ARMC9: variants seen among roughly 807,000 people sequenced by gnomAD.
ARMC9 encodes lisH domain-containing protein ARMC9.
ARMC9 carries 94 observed loss-of-function variants against 107.0 expected under a neutral mutation model. That is an observed-to-expected ratio of 0.88 (90% CI 0.74 to 1.04). ARMC9 has a LOEUF of 1.04. ARMC9 is among the 50% of genes least tolerant of loss of function. ARMC9 has a pLI of 0.00. For missense variants in ARMC9, 942 were observed against 1,030.1 expected, an observed-to-expected ratio of 0.91 and a Z score of 1.17; for synonymous variants, 380 against 396.9, an observed-to-expected ratio of 0.96 and a Z score of 0.51.
rs148744115 is a variant in ARMC9 at position 231,369,873 on chromosome 2, C to T, written c.2262-80C>T. ...CCTCTCAGAGTGCTGGGATTATAGGCGGGAGCCACCACACCCGGCCCCTCC... is the reference window on the plus strand; with the variant it reads ...CCTCTCAGAGTGCTGGGATTATAGGTGGGAGCCACCACACCCGGCCCCTCC... On this transcript the variant is annotated intron_variant, in intron 23 of 24. Coordinates refer to ENST00000611582, the MANE Select transcript of ARMC9 (RefSeq NM_001352754.2). The T allele has an allele frequency of 2.0e-3, 2,644 of 1,325,578 alleles. 57 individuals are homozygous for T. The African/African-American group carries it at 0.035, about 17-fold the overall frequency. The allele number at this position is 1,325,578 out of a possible 1,614,324, so 82.1% of individuals were successfully genotyped here.
At chr2:231,232,970 C>CA (rs1443940069) in intron 7 of ARMC9, among the ~76,000 whole-genome samples, 2 of 152,116 alleles carry the variant, frequency 1.3e-5, no homozygotes, top group East Asian at 3.9e-4. Flanking sequence ...CCTGCCTCAG[C>CA]CTACTGAGTA....
At chr2:231,356,766 A>G (rs866280663) in intron 22 of ARMC9, among the ~76,000 whole-genome samples, 1 of 152,204 alleles carries the variant, frequency 6.6e-6, no homozygotes, top group Non-Finnish European at 1.5e-5. Context: ...GTGCTTTACT[A>G]AAGCTGTAAA....
At chr2:231,349,574 G>A (rs1414802252) in intron 21 of ARMC9, among the ~76,000 whole-genome samples, 1 of 152,084 alleles carries the variant, frequency 6.6e-6, no homozygotes, top group Non-Finnish European at 1.5e-5. Flanking sequence ...TTAAGGTCAG[G>A]AGTTCGAGAC....
intron 19 of ARMC9, among the ~76,000 whole-genome samples, chr2:231,323,397 TGCTGGGA>T: frequency 6.6e-6 from 1 of 152,228 alleles, no homozygotes; most frequent in East Asian, 1.9e-4. Context: ...CAAGCTTCAT[TGCTGGGA>T]GGTTCTCTGC....
chr2:231,212,276 A>C (rs1486399278), intron 3 of ARMC9, among the ~76,000 whole-genome samples: 1 of 152,196 alleles, frequency 6.6e-6, no homozygotes, highest in Non-Finnish European at 1.5e-5. Context: ...ACTGTAAGTT[A>C]TAATAGCAGA....
intron 5 of ARMC9, 87 bp from the exon 6 acceptor site, chr2:231,222,641 G>A (rs2034260587): frequency 1.4e-6 from 1 of 714,504 alleles, no homozygotes. Context: ...CACTGTGCAG[G>A]GTTTTTTAGC....
At position 231,252,798 on chromosome 2, in the gene ARMC9, C is replaced by A. The variant is rs1006121082; in HGVS notation, c.880-3788C>A. Among the ~76,000 whole-genome samples the A allele has an allele frequency of 7.3e-5, 11 of 151,434 alleles. 1 individual carries two copies. The highest frequency in any genetic ancestry group is 4.6e-4 in the Admixed American group (7 of 15,230). On this transcript the variant is annotated intron_variant, in intron 9 of 24. Coordinates refer to ENST00000611582, the MANE Select transcript of ARMC9 (RefSeq NM_001352754.2). Reference sequence around the variant, plus strand: ...ACCACAGGCACGTGCCATCACAACCCCCTAATTTTTTTTTTTTTTTTTGTA... The same window carrying A: ...ACCACAGGCACGTGCCATCACAACCACCTAATTTTTTTTTTTTTTTTTGTA...
At chr2:231,220,057 T>C (rs535663191) in intron 5 of ARMC9, among the ~76,000 whole-genome samples, 2 of 152,308 alleles carry the variant, frequency 1.3e-5, no homozygotes, top group South Asian at 4.1e-4. Context: ...TCGCCATACC[T>C]TTTAACATCT....
chr2:231,346,910 A>G (rs2044840233), intron 21 of ARMC9, among the ~76,000 whole-genome samples: 1 of 152,230 alleles, frequency 6.6e-6, no homozygotes, highest in Admixed American at 6.5e-5. Flanking sequence ...CTTGCTTGAC[A>G]TGGGAAAGAG....
chr2:231,222,602 G>A (rs1010365749), intron 5 of ARMC9, 126 bp from the exon 6 acceptor site: 7 of 520,518 alleles, frequency 1.3e-5, no homozygotes, highest in African/African-American at 5.9e-5. Flanking sequence ...ACAGCCTCAC[G>A]TCACTGGCAT....
intron 20 of ARMC9, among the ~76,000 whole-genome samples, chr2:231,338,583 A>G (rs2044288472): frequency 7.1e-6 from 1 of 141,216 alleles, no homozygotes; most frequent in Admixed American, 7.4e-5. Context: ...TCTGTCACAC[A>G]GGCTGGAATG....
intron 18 of ARMC9, chr2:231,295,033 G>C (rs543119154): frequency 2.0e-5 from 3 of 152,308 alleles, no homozygotes; most frequent in Admixed American, 6.5e-5. Flanking sequence ...CTTCCCTCCT[G>C]GGAATGGTTT....
At chr2:231,322,384 G>T (rs768581583) in intron 19 of ARMC9, among the ~76,000 whole-genome samples, 1 of 152,228 alleles carries the variant, frequency 6.6e-6, no homozygotes, top group Non-Finnish European at 1.5e-5. Flanking sequence ...TTCTGAGAAG[G>T]TGTCTCAAAT....
intron 14 of ARMC9, among the ~76,000 whole-genome samples, chr2:231,275,901 C>T (rs986402123): frequency 2.0e-5 from 3 of 152,030 alleles, no homozygotes; most frequent in Non-Finnish European, 4.4e-5. Context: ...TGCGGTGAGC[C>T]GAGATCGTGC....
At chr2:231,287,558 C>G (rs1207999321) in intron 17 of ARMC9, among the ~76,000 whole-genome samples, 2 of 151,568 alleles carry the variant, frequency 1.3e-5, no homozygotes, top group Non-Finnish European at 2.9e-5. Context: ...TTGCTTTGCT[C>G]TCCTTCCTTT....
At chr2:231,228,358 G>C (rs2034861461) in intron 7 of ARMC9, among the ~76,000 whole-genome samples, 1 of 152,228 alleles carries the variant, frequency 6.6e-6, no homozygotes, top group African/African-American at 2.4e-5. Context: ...TCTCTCAGGT[G>C]CAGTCAGGCG....
intron 1 of ARMC9, among the ~76,000 whole-genome samples, chr2:231,199,934 G>C (rs190662183): frequency 6.6e-6 from 1 of 152,290 alleles, no homozygotes; most frequent in African/African-American, 2.4e-5. Flanking sequence ...CTGACCTCAG[G>C]TGATCCGCCT....
intron 10 of ARMC9, among the ~76,000 whole-genome samples, chr2:231,256,830 T>C (rs2037864945): frequency 6.6e-6 from 1 of 152,216 alleles, no homozygotes; most frequent in Admixed American, 6.5e-5. Flanking sequence ...TTTTTTTGTT[T>C]GTTTGTTTTT....
At position 231,358,578 on chromosome 2, in the gene ARMC9, G is replaced by T. The variant is rs536030414; in HGVS notation, c.2132-2176G>T. Among the ~76,000 whole-genome samples, 2 of 152,166 alleles carry T rather than the reference G, an allele frequency of 1.3e-5. No individual in the cohort carries two copies. Among genetic ancestry groups the T allele is most frequent in the African/African-American group, 4.8e-5 (2 of 41,434 alleles). On this transcript the variant is annotated intron_variant, in intron 22 of 24. Transcript: ENST00000611582. The surrounding 1 kb of genome is among the most constrained non-coding windows in gnomAD (Gnocchi z 4.5). ...CCACAGGTCTCCTTGCACACAGCTC[G>T]CTGCTGAGTCTGGCCTGTGCTGGGA...
Sources: allele counts gnomAD v4.1 joint callset (sites outside exome capture counted in the v4.1 genomes callset), GRCh38; gene constraint gnomAD v4.1.1; non-coding constraint Gnocchi (gnomAD v3.1); transcripts MANE v1.5; gene names NCBI Gene and HGNC (gene_info 2026-07-23, HGNC 2026-07-21).